PMFBP1: variants seen among roughly 807,000 people sequenced by gnomAD.
PMFBP1 encodes polyamine-modulated factor 1-binding protein 1.
PMFBP1 carries 131 observed loss-of-function variants against 137.8 expected under a neutral mutation model. The ratio of observed to expected loss-of-function variants is 0.95; its 90% CI spans 0.82 to 1.10. The LOEUF is 1.10. Ranked by LOEUF, PMFBP1 falls within the 50% of genes least tolerant of loss-of-function variation. PMFBP1 has a pLI of 0.00. For missense variants in PMFBP1, 1,199 were observed against 1,175.4 expected, an observed-to-expected ratio of 1.02 and a Z score of -0.29; for synonymous variants, 490 against 450.4, an observed-to-expected ratio of 1.09 and a Z score of -1.11.
At chr16:72,167,442 G>T (rs929202745) in intron 2 of PMFBP1, among the ~76,000 whole-genome samples, 1 of 152,064 alleles carries the variant, frequency 6.6e-6, no homozygotes, top group Non-Finnish European at 1.5e-5. Flanking sequence ...GATGTCAACT[G>T]CCCCAAGCAT....
intron 19 of PMFBP1, among the ~76,000 whole-genome samples, chr16:72,120,487 C>G (rs1289334209): frequency 6.6e-6 from 1 of 152,214 alleles, no homozygotes; most frequent in Admixed American, 6.5e-5. Context: ...GTTCTCATGG[C>G]CGTGCCTTGG....
the PMFBP1 span, among the ~76,000 whole-genome samples, chr16:72,228,728 T>C: frequency 6.6e-6 from 1 of 152,230 alleles, no homozygotes; most frequent in Non-Finnish European, 1.5e-5. Flanking sequence ...AGCAGATTAC[T>C]GGGTCAAAAG....
chr16:72,216,415 G>C, the PMFBP1 span, among the ~76,000 whole-genome samples: 11 of 152,120 alleles, frequency 7.2e-5, no homozygotes, highest in Admixed American at 2.0e-4. Context: ...TGGTTTAATG[G>C]TCAGGCAGTG....
chr16:72,154,685 C>G (rs1432493122), intron 3 of PMFBP1, among the ~76,000 whole-genome samples: 1 of 152,070 alleles, frequency 6.6e-6, no homozygotes, highest in Non-Finnish European at 1.5e-5. Flanking sequence ...AAAAATGGTT[C>G]TTATCTACCA....
chr16:72,248,931 A>AT, the PMFBP1 span, among the ~76,000 whole-genome samples: 1 of 152,322 alleles, frequency 6.6e-6, no homozygotes, highest in South Asian at 2.1e-4. Flanking sequence ...AGCAGGAAGA[A>AT]TTTAGGTCAA....
the PMFBP1 span, among the ~76,000 whole-genome samples, chr16:72,197,877 A>ACCAAACCACAGCAG: frequency 2.0e-5 from 3 of 152,206 alleles, no homozygotes; most frequent in Admixed American, 1.3e-4. Context: ...ACATCTGCAC[A>ACCAAACCACAGCAG]CCAAACCACA....
chr16:72,181,174 G>A (rs2043275137), upstream of PMFBP1, among the ~76,000 whole-genome samples: 2 of 151,844 alleles, frequency 1.3e-5, no homozygotes, highest in South Asian at 4.2e-4. Context: ...AGGAGGCAGA[G>A]GCTGCAGTGA....
At chr16:72,118,524 T>G (rs1042794929), downstream of PMFBP1, among the ~76,000 whole-genome samples, 6 of 152,196 alleles carry the variant, frequency 3.9e-5, no homozygotes, top group African/African-American at 1.4e-4. Flanking sequence ...CCCTCAGAAG[T>G]GTAAGATCTT....
At chr16:72,119,625 C>G (rs566904555) in intron 20 of PMFBP1, 1 of 1,444,274 alleles carries the variant, frequency 6.9e-7, no homozygotes, top group Non-Finnish European at 9.0e-7. Flanking sequence ...GGGGGCAGGT[C>G]TGAGATGTGA....
At chr16:72,199,148 CCT>C in the PMFBP1 span, among the ~76,000 whole-genome samples, 2 of 152,172 alleles carry the variant, frequency 1.3e-5, no homozygotes, top group South Asian at 2.1e-4. Flanking sequence ...TCACCTCTCC[CCT>C]GTCGGTTCAG....
the PMFBP1 span, among the ~76,000 whole-genome samples, chr16:72,204,916 T>A: frequency 1.3e-5 from 2 of 152,226 alleles, no homozygotes; most frequent in Non-Finnish European, 2.9e-5. Context: ...TAAATTTTAT[T>A]TAATTTGAAT....
At position 72,164,354 on chromosome 16, in the gene PMFBP1, C is replaced by A. The variant is rs751836650; in HGVS notation, c.165+410G>T. Reference sequence around the variant, plus strand: ...GCAGCAATAAAGACCCCCTGCTACCCCAATGGACACTGATACCTTAGAGCA... The same window carrying A: ...GCAGCAATAAAGACCCCCTGCTACCACAATGGACACTGATACCTTAGAGCA... On this transcript the variant is annotated intron_variant, in intron 3 of 20. Transcript: ENST00000237353. 2.4e-6 allele frequency: 3 copies of A among 1,243,182 alleles called. No homozygotes were observed. In the African/African-American group the frequency reaches 4.6e-5, roughly 19 times the overall value. The allele number at this position is 1,243,182 out of a possible 1,614,324, so 77.0% of individuals were successfully genotyped here. A position where few individuals can be genotyped will look rare whatever the true frequency, so the allele number is the denominator to read the frequency against.
chr16:72,226,035 T>C, the PMFBP1 span, among the ~76,000 whole-genome samples: 2 of 151,922 alleles, frequency 1.3e-5, no homozygotes, highest in African/African-American at 4.8e-5. Context: ...TGAGATTCCC[T>C]ACCCAGTTCT....
At chr16:72,225,225 G>T in the PMFBP1 span, 2 of 152,198 alleles carry the variant, frequency 1.3e-5, no homozygotes, top group Non-Finnish European at 2.9e-5. Context: ...TATCAGAGAA[G>T]CAATGTCTGA....
At chr16:72,188,702 C>T in the PMFBP1 span, among the ~76,000 whole-genome samples, 4 of 152,168 alleles carry the variant, frequency 2.6e-5, no homozygotes, top group African/African-American at 9.7e-5. Context: ...GTCAGCTGAT[C>T]AGTTTACTGG....
At chr16:72,161,295 G>C (rs1329581732) in intron 3 of PMFBP1, among the ~76,000 whole-genome samples, 2 of 151,648 alleles carry the variant, frequency 1.3e-5, no homozygotes, top group Non-Finnish European at 2.9e-5. Flanking sequence ...ATGGGGTTTT[G>C]TCATGTTGGC....
At chr16:72,248,946 C>G in the PMFBP1 span, among the ~76,000 whole-genome samples, 76 of 152,232 alleles carry the variant, frequency 5.0e-4, 1 homozygote, top group African/African-American at 1.7e-3. Flanking sequence ...GGTCAATTAC[C>G]TTTTGAAGTG....
At chr16:72,233,230 CT>C in the PMFBP1 span, among the ~76,000 whole-genome samples, 4 of 152,124 alleles carry the variant, frequency 2.6e-5, no homozygotes, top group Non-Finnish European at 5.9e-5. Context: ...ACCAACACCC[CT>C]AGCCCTAATC....
chr16:72,190,524 T>C, the PMFBP1 span, among the ~76,000 whole-genome samples: 1 of 152,156 alleles, frequency 6.6e-6, no homozygotes, highest in Non-Finnish European at 1.5e-5. Context: ...TGAATGTCTT[T>C]CTAGAAGTTT....
Sources: allele counts gnomAD v4.1 joint callset (sites outside exome capture counted in the v4.1 genomes callset), GRCh38; gene constraint gnomAD v4.1.1; transcripts MANE v1.5; gene names NCBI Gene and HGNC (gene_info 2026-07-23, HGNC 2026-07-21).